SLC24A3: variants seen among roughly 807,000 people sequenced by gnomAD.
SLC24A3 encodes the protein sodium/potassium/calcium exchanger 3.
A neutral mutation model predicts 75.8 loss-of-function variants in SLC24A3; 28 were observed. The observed-to-expected ratio is 0.37, with a 90% CI of 0.27 to 0.51. The LOEUF is 0.51. Among genes scored for constraint, SLC24A3 ranks in the 20% least tolerant of loss-of-function variants. SLC24A3 has a pLI of 0.94. For synonymous variants in SLC24A3, 372 were observed against 334.1 expected (o/e 1.11, Z -1.24); for missense variants, 663 against 847.8 (o/e 0.78, Z 2.71).
intron 6 of SLC24A3, among the ~76,000 whole-genome samples, chr20:19,638,537 A>G (rs2032028283): frequency 6.6e-6 from 1 of 152,198 alleles, no homozygotes; most frequent in Non-Finnish European, 1.5e-5. Context: ...GGAGAGGAGA[A>G]GCAATGAGAG....
At chr20:19,220,210 T>C (rs1211984271) in intron 1 of SLC24A3, among the ~76,000 whole-genome samples, 1 of 152,198 alleles carries the variant, frequency 6.6e-6, no homozygotes, top group African/African-American at 2.4e-5. Context: ...AATCTAGTAA[T>C]CGTTTTTGGC....
intron 9 of SLC24A3, among the ~76,000 whole-genome samples, chr20:19,679,034 G>C (rs1264396732): frequency 6.6e-6 from 1 of 151,438 alleles, no homozygotes; most frequent in Non-Finnish European, 1.5e-5. Flanking sequence ...CAGCCAGGCA[G>C]AGGGGCTCCT....
In SLC24A3 at chr20:19,262,296, G is replaced by T. The variant is rs1026803447; in HGVS notation, c.143-18663G>T. On this transcript the variant is annotated intron_variant, in intron 1 of 16. Coordinates refer to ENST00000328041, the MANE Select transcript of SLC24A3 (RefSeq NM_020689.4). ...GGCGGGCGCCTGTAGTCCCAGCTAC[G>T]CGGGAGGCTGAGGCAGGAGAATGGC... 2.4e-3 allele frequency among the ~76,000 whole-genome samples: 366 copies of T among 151,148 alleles called. 2 individuals carry two copies. Among genetic ancestry groups the T allele is most frequent in the African/African-American group, 8.1e-3 (332 of 41,194 alleles).
chr20:19,522,138 C>G (rs941030489), intron 3 of SLC24A3, among the ~76,000 whole-genome samples: 54 of 152,254 alleles, frequency 3.5e-4, no homozygotes, highest in African/African-American at 1.3e-3. Context: ...TTTAAATTAA[C>G]ATAAATGTAG....
In SLC24A3 at chr20:19,333,622, AGT is replaced by A. The variant is rs11471787; in HGVS notation, c.271+52553_271+52554del. 4.2e-3 allele frequency among the ~76,000 whole-genome samples: 625 copies of A among 149,668 alleles called. 6 individuals are homozygous for A. The highest frequency in any genetic ancestry group is 0.011 in the African/African-American group (466 of 40,734). ...TGTTACTGGTGAGTCCAGTCTTGCT[AGT>A]GTGTGTGTGTGTGTGTGAGTGTGTG... On this transcript the variant is annotated intron_variant, in intron 2 of 16. Coordinates refer to ENST00000328041, the MANE Select transcript of SLC24A3 (RefSeq NM_020689.4).
chr20:19,626,622 G>A (rs927773445), intron 6 of SLC24A3, among the ~76,000 whole-genome samples: 4 of 152,174 alleles, frequency 2.6e-5, no homozygotes, highest in South Asian at 2.1e-4. Flanking sequence ...GTGCTTCCTT[G>A]TAAATGTATA....
At chr20:19,293,155 C>A (rs1983981600) in intron 2 of SLC24A3, among the ~76,000 whole-genome samples, 1 of 152,148 alleles carries the variant, frequency 6.6e-6, no homozygotes, top group Non-Finnish European at 1.5e-5. Flanking sequence ...CACATTCCAG[C>A]AACACAGTTT....
At chr20:19,670,893 G>A (rs66762787) in intron 8 of SLC24A3, among the ~76,000 whole-genome samples, 19,160 of 152,150 alleles carry the variant, frequency 0.13, 1,492 homozygotes, top group Non-Finnish European at 0.18. Flanking sequence ...GGGTGTCTGC[G>A]TGGGGAGAAA....
chr20:19,513,224 A>G (rs2029917073), intron 2 of SLC24A3, among the ~76,000 whole-genome samples: 1 of 152,212 alleles, frequency 6.6e-6, no homozygotes, highest in Non-Finnish European at 1.5e-5. Flanking sequence ...GCAGAATGGA[A>G]TTGCAGATCC....
At chr20:19,413,688 A>G (rs1471062893) in intron 2 of SLC24A3, among the ~76,000 whole-genome samples, 1 of 152,254 alleles carries the variant, frequency 6.6e-6, no homozygotes, top group Admixed American at 6.5e-5. Context: ...ACAGGTAAGC[A>G]GAAGGAAAAA....
At chr20:19,611,128 T>G (rs2031666141) in intron 6 of SLC24A3, among the ~76,000 whole-genome samples, 1 of 152,136 alleles carries the variant, frequency 6.6e-6, no homozygotes, top group African/African-American at 2.4e-5. Context: ...AGGACAGACC[T>G]AGATCCAAGT....
chr20:19,285,606 C>T (rs1356136234), intron 2 of SLC24A3, among the ~76,000 whole-genome samples: 14 of 150,544 alleles, frequency 9.3e-5, no homozygotes, highest in African/African-American at 2.0e-4. Context: ...GACTGACCTC[C>T]GGGCTCCAAC....
At chr20:19,459,147 T>C (rs1419570805) in intron 2 of SLC24A3, among the ~76,000 whole-genome samples, 1 of 152,220 alleles carries the variant, frequency 6.6e-6, no homozygotes, top group African/African-American at 2.4e-5. Context: ...CTTGGTTGAC[T>C]TGAATTGGTT....
At chr20:19,707,368 GA>G (rs1265734369) in intron 15 of SLC24A3, among the ~76,000 whole-genome samples, 2 of 152,102 alleles carry the variant, frequency 1.3e-5, no homozygotes, top group Non-Finnish European at 2.9e-5. Flanking sequence ...AGAGACTACA[GA>G]AAAAAATAAC....
chr20:19,684,578 C>A (rs2032652187), intron 11 of SLC24A3, among the ~76,000 whole-genome samples: 1 of 152,200 alleles, frequency 6.6e-6, no homozygotes. Context: ...TTCCTTCTCC[C>A]TTTCACCCAC....
At chr20:19,382,406 A>G (rs1397749071) in intron 2 of SLC24A3, among the ~76,000 whole-genome samples, 1 of 152,194 alleles carries the variant, frequency 6.6e-6, no homozygotes, top group African/African-American at 2.4e-5. Flanking sequence ...AAGAAAAAAA[A>G]ATATTTATTT....
At chr20:19,714,223 C>A (rs751110557) in intron 15 of SLC24A3, among the ~76,000 whole-genome samples, 1 of 151,948 alleles carries the variant, frequency 6.6e-6, no homozygotes, top group Non-Finnish European at 1.5e-5. Flanking sequence ...AGCAACATAG[C>A]AAGATCCTAT....
intron 1 of SLC24A3, among the ~76,000 whole-genome samples, chr20:19,272,356 C>T (rs572809224): frequency 2.6e-5 from 4 of 152,280 alleles, no homozygotes; most frequent in Admixed American, 2.0e-4. Context: ...TGCACTGTGC[C>T]GGGAACTTTG....
intron 3 of SLC24A3, among the ~76,000 whole-genome samples, chr20:19,523,109 A>G (rs1368427116): frequency 2.0e-5 from 3 of 152,216 alleles, no homozygotes. Context: ...GTACAAAATC[A>G]ACACACAAAA....
Sources: gnomAD v4.1 joint callset for allele counts (sites outside exome capture counted in the v4.1 genomes callset) on GRCh38, gnomAD v4.1.1 for gene constraint, MANE v1.5 for transcripts, NCBI Gene and HGNC (gene_info 2026-07-23, HGNC 2026-07-21) for gene names.